The following DACH1 variants were observed in gnomAD, a reference collection of about 807,000 sequenced individuals.
The protein encoded by DACH1 is dachshund family transcription factor 1.
In DACH1, 12 loss-of-function variants were observed where a neutral mutation model predicts 54.2. The ratio of observed to expected loss-of-function variants is 0.22; its 90% CI spans 0.14 to 0.36. DACH1 has a LOEUF of 0.36. DACH1 is among the 10% of genes least tolerant of loss of function. The pLI is 1.00. For missense variants in DACH1, 805 were observed against 929.8 expected (o/e 0.87, Z 1.75); for synonymous variants, 386 against 366.2 (o/e 1.05, Z -0.62).
chr13:71,607,631 C>T (rs1874970554), intron 3 of DACH1, among the ~76,000 whole-genome samples: 1 of 151,884 alleles, frequency 6.6e-6, no homozygotes, highest in African/African-American at 2.4e-5. Context: ...TGATAGTAGT[C>T]TTTGTGTTTT....
chr13:71,478,522 T>G (rs1346574574), intron 8 of DACH1, among the ~76,000 whole-genome samples: 1 of 152,144 alleles, frequency 6.6e-6, no homozygotes, highest in Non-Finnish European at 1.5e-5. Context: ...AAAATAAACA[T>G]GCAAATATAA....
intron 3 of DACH1, chr13:71,573,490 T>C (rs376519318): frequency 1.4e-6 from 1 of 713,122 alleles, no homozygotes; most frequent in East Asian, 2.7e-5. Flanking sequence ...GCTCCAGGCA[T>C]GCGGGGGTGG....
At chr13:71,574,725 A>G (rs1566352419) in intron 3 of DACH1, among the ~76,000 whole-genome samples, 1 of 152,098 alleles carries the variant, frequency 6.6e-6, no homozygotes, top group Non-Finnish European at 1.5e-5. Context: ...AACAATGAAA[A>G]GAATCAATTA....
At chr13:71,678,365 A>G (rs1458785817) in intron 2 of DACH1, among the ~76,000 whole-genome samples, 1 of 152,228 alleles carries the variant, frequency 6.6e-6, no homozygotes, top group Non-Finnish European at 1.5e-5. Context: ...TGTATTCCCT[A>G]AAATCTAAAC....
chr13:71,853,143 T>C (rs1227627917), intron 1 of DACH1, among the ~76,000 whole-genome samples: 1 of 152,178 alleles, frequency 6.6e-6, no homozygotes, highest in East Asian at 1.9e-4. Context: ...AGAAAATCAA[T>C]TTCTCTACGT....
At chr13:71,824,597 T>A (rs1214352150) in intron 1 of DACH1, among the ~76,000 whole-genome samples, 1 of 152,062 alleles carries the variant, frequency 6.6e-6, no homozygotes, top group African/African-American at 2.4e-5. Context: ...TAATTTTTCC[T>A]AGGTCTGCAA....
chr13:71,729,165 T>G (rs1369280148), intron 1 of DACH1, among the ~76,000 whole-genome samples: 1 of 152,060 alleles, frequency 6.6e-6, no homozygotes, highest in Non-Finnish European at 1.5e-5. Flanking sequence ...ATTAAATGTT[T>G]GTACAGATTA....
chr13:71,630,836 C>A, intron 2 of DACH1, 119 bp from the exon 3 acceptor site: 1 of 1,192,094 alleles, frequency 8.4e-7, no homozygotes, highest in Non-Finnish European at 1.1e-6. Context: ...CTTTATGCAA[C>A]ACTTTGATAA....
In DACH1 at chr13:71,663,372, GA is replaced by G. The variant is rs1216124102; in HGVS notation, c.964+18422del. On this transcript the variant is annotated intron_variant, in intron 2 of 10. Coordinates refer to ENST00000613252, the MANE Select transcript of DACH1 (RefSeq NM_080759.6). ...TAAATGTTTTAAATAAAACATAAGA[GA>G]AAAAAATGCAAAGAGAGGAGAAAGC... 1.8e-4 allele frequency among the ~76,000 whole-genome samples: 27 copies of G among 151,850 alleles called. No individual in the cohort carries two copies. The East Asian group carries it at 3.7e-3, about 21-fold the overall frequency.
chr13:71,488,794 T>C (rs1379059755), intron 7 of DACH1, among the ~76,000 whole-genome samples: 2 of 150,876 alleles, frequency 1.3e-5, no homozygotes, highest in South Asian at 2.1e-4. Context: ...AATATACATA[T>C]ATATGAATAT....
intron 6 of DACH1, among the ~76,000 whole-genome samples, chr13:71,526,757 C>A (rs1417420080): frequency 6.7e-5 from 10 of 150,068 alleles, no homozygotes; most frequent in Non-Finnish European, 1.5e-5. Context: ...ATAACTAATA[C>A]AAAGAATGCT....
chr13:71,443,287 T>G (rs1285387871), intron 10 of DACH1, among the ~76,000 whole-genome samples: 1 of 151,774 alleles, frequency 6.6e-6, no homozygotes, highest in African/African-American at 2.4e-5. Context: ...TACTTGAAAG[T>G]TGCTAAATAG....
Position 71,832,913 on chromosome 13 carries a change from AT to A in DACH1, c.848+33008del, listed in dbSNP as rs199990695. Among the ~76,000 whole-genome samples, 795 of 151,930 alleles carry A rather than the reference AT, an allele frequency of 5.2e-3. 3 individuals are homozygous for A. Among genetic ancestry groups the A allele is most frequent in the African/African-American group, 0.015 (641 of 41,490 alleles). On this transcript the variant is annotated intron_variant, in intron 1 of 10. Transcript: ENST00000613252. ...AAAGAGGAGTAATTAATTTATCTCT[AT>A]TTTTCCTCTTTTTTGAGAGAAGACA...
intron 10 of DACH1, among the ~76,000 whole-genome samples, chr13:71,469,745 T>C (rs1876904729): frequency 6.6e-6 from 1 of 152,208 alleles, no homozygotes; most frequent in Non-Finnish European, 1.5e-5. Flanking sequence ...TGAATAATTT[T>C]AAAATTCAGC....
chr13:71,535,391 T>G (rs984718521), intron 6 of DACH1, among the ~76,000 whole-genome samples: 1 of 151,948 alleles, frequency 6.6e-6, no homozygotes, highest in Non-Finnish European at 1.5e-5. Flanking sequence ...GATTTTCATT[T>G]AAAATTTGGA....
At chr13:71,815,954 G>A (rs566750163) in intron 1 of DACH1, among the ~76,000 whole-genome samples, 6 of 151,780 alleles carry the variant, frequency 4.0e-5, no homozygotes, top group South Asian at 2.1e-4. Flanking sequence ...GCGTGGTAGC[G>A]GGCGCCTGTA....
intron 1 of DACH1, among the ~76,000 whole-genome samples, chr13:71,739,298 A>G (rs761830347): frequency 6.6e-6 from 1 of 151,946 alleles, no homozygotes; most frequent in Non-Finnish European, 1.5e-5. Context: ...AAAAGAAGTG[A>G]TGGAATCATG....
intron 1 of DACH1, among the ~76,000 whole-genome samples, chr13:71,847,687 T>C (rs1373400312): frequency 6.6e-6 from 1 of 152,204 alleles, no homozygotes. Flanking sequence ...GAATTTTGGA[T>C]ATGAGATGCT....
chr13:71,791,629 C>A (rs1221227224), intron 1 of DACH1, among the ~76,000 whole-genome samples: 1 of 152,168 alleles, frequency 6.6e-6, no homozygotes. Flanking sequence ...GGTGATCCAC[C>A]CGCCTTGGCC....
Sources: allele counts gnomAD v4.1 joint callset (sites outside exome capture counted in the v4.1 genomes callset), GRCh38; gene constraint gnomAD v4.1.1; transcripts MANE v1.5; gene names NCBI Gene and HGNC (gene_info 2026-07-23, HGNC 2026-07-21).